DCC: variants seen among roughly 807,000 people sequenced by gnomAD.
DCC encodes the protein DCC netrin 1 receptor, also known as netrin receptor DCC.
In DCC, 58 loss-of-function variants were observed where a neutral mutation model predicts 172.5. The ratio of observed to expected loss-of-function variants is 0.34; its 90% CI spans 0.27 to 0.42. The LOEUF (loss-of-function observed/expected upper bound fraction) is 0.42. DCC is among the 10% of genes least tolerant of loss of function. The probability of loss-of-function intolerance (pLI) is 1.00; values close to 1 mark genes in which losing one functional copy is unlikely to be tolerated. For missense variants in DCC, 1,740 were observed against 1,791.0 expected, an observed-to-expected ratio of 0.97 and a Z score of 0.51; for synonymous variants, 709 against 644.5, an observed-to-expected ratio of 1.10 and a Z score of -1.52.
intron 5 of DCC, among the ~76,000 whole-genome samples, chr18:52,981,934 A>G (rs1317542837): frequency 6.6e-5 from 10 of 152,142 alleles, no homozygotes; most frequent in African/African-American, 1.7e-4. Flanking sequence ...TAGAATTAGG[A>G]TAGAAGAAAT....
chr18:53,304,942 G>A (rs997924378), intron 12 of DCC, among the ~76,000 whole-genome samples: 11 of 152,108 alleles, frequency 7.2e-5, no homozygotes, highest in African/African-American at 2.7e-4. Context: ...CCGTTGGGAG[G>A]TAATTGAATC....
At chr18:52,504,716 T>C (rs1446069994) in intron 1 of DCC, among the ~76,000 whole-genome samples, 1 of 152,128 alleles carries the variant, frequency 6.6e-6, no homozygotes, top group South Asian at 2.1e-4. Flanking sequence ...TACCACACTC[T>C]CTCCTCCTGC....
chr18:53,116,344 A>T lies in DCC; in HGVS notation c.1262-41012A>T, dbSNP rs145285506. On this transcript the variant is annotated intron_variant, in intron 7 of 28. Coordinates refer to ENST00000442544, the MANE Select transcript of DCC (RefSeq NM_005215.4). Reference sequence around the variant, plus strand: ...TAGAGGATTCCATTGTTTATTTGGGATACGCCTTATGTAAATGGAGAGGAA... The same window carrying T: ...TAGAGGATTCCATTGTTTATTTGGGTTACGCCTTATGTAAATGGAGAGGAA... 7.2e-5 allele frequency among the ~76,000 whole-genome samples: 11 copies of T among 151,790 alleles called. No individual in the cohort carries two copies. The East Asian group carries it at 2.1e-3, about 30-fold the overall frequency.
At chr18:53,312,035 C>T (rs541500036) in intron 13 of DCC, among the ~76,000 whole-genome samples, 3 of 151,840 alleles carry the variant, frequency 2.0e-5, no homozygotes, top group South Asian at 4.2e-4. Flanking sequence ...GTGGGTAGGG[C>T]GCGGTGGCTC....
At chr18:53,000,229 C>G (rs2041543172) in intron 5 of DCC, among the ~76,000 whole-genome samples, 1 of 152,004 alleles carries the variant, frequency 6.6e-6, no homozygotes, top group South Asian at 2.1e-4. Flanking sequence ...TTAATCAGTT[C>G]AGGTTCTTAT....
intron 2 of DCC, among the ~76,000 whole-genome samples, chr18:52,872,351 C>G (rs1275016020): frequency 6.6e-6 from 1 of 152,108 alleles, no homozygotes; most frequent in East Asian, 1.9e-4. Context: ...TCCTTTCAGA[C>G]TTTTAAAGGT....
At chr18:52,753,582 A>G (rs999122126) in intron 2 of DCC, among the ~76,000 whole-genome samples, 4 of 152,202 alleles carry the variant, frequency 2.6e-5, no homozygotes, top group Admixed American at 2.0e-4. Flanking sequence ...GGCATGGCCT[A>G]CAACATATAC....
intron 1 of DCC, among the ~76,000 whole-genome samples, chr18:52,421,538 C>A (rs1021580060): frequency 6.6e-6 from 1 of 152,190 alleles, no homozygotes; most frequent in African/African-American, 2.4e-5. Flanking sequence ...CCCAGCCCTG[C>A]CTCAGGCTCT....
intron 1 of DCC, among the ~76,000 whole-genome samples, chr18:52,359,495 TG>T (rs1984525152): frequency 6.6e-6 from 1 of 152,170 alleles, no homozygotes; most frequent in Non-Finnish European, 1.5e-5. Context: ...AGGACACTTC[TG>T]GGGATTTCAG....
At chr18:53,499,241 T>C (rs1326257075) in intron 26 of DCC, 57 bp from the exon 27 acceptor site, 2 of 1,576,296 alleles carry the variant, frequency 1.3e-6, no homozygotes, top group African/African-American at 1.3e-5. Context: ...TCCAGTGACT[T>C]AAGGAAAACA....
chr18:52,905,056 C>T (rs1007896793), intron 2 of DCC, among the ~76,000 whole-genome samples: 1 of 152,094 alleles, frequency 6.6e-6, no homozygotes, highest in Non-Finnish European at 1.5e-5. Flanking sequence ...ACACCTACCC[C>T]TCTCATGTAC....
chr18:52,673,962 T>C (rs1350945358), intron 1 of DCC, among the ~76,000 whole-genome samples: 5 of 152,138 alleles, frequency 3.3e-5, no homozygotes, highest in Admixed American at 6.5e-5. Flanking sequence ...GCTGAGCATA[T>C]CTCACCTATG....
intron 1 of DCC, among the ~76,000 whole-genome samples, chr18:52,508,807 G>A (rs373515485): frequency 6.6e-6 from 1 of 152,206 alleles, no homozygotes; most frequent in Non-Finnish European, 1.5e-5. Flanking sequence ...TAACAAGGCA[G>A]TGTTCTGATT....
chr18:53,482,347 G>C (rs2045842948), intron 25 of DCC, among the ~76,000 whole-genome samples: 1 of 152,070 alleles, frequency 6.6e-6, no homozygotes, highest in South Asian at 2.1e-4. Flanking sequence ...ATTTTTGAAA[G>C]AAGGTTTATT....
intron 14 of DCC, among the ~76,000 whole-genome samples, chr18:53,322,497 T>C (rs1472267982): frequency 6.6e-6 from 1 of 152,180 alleles, no homozygotes; most frequent in African/African-American, 2.4e-5. Flanking sequence ...TAGTGTAATT[T>C]ATAATAGTAA....
At chr18:52,823,407 G>C (rs1452262461) in intron 2 of DCC, among the ~76,000 whole-genome samples, 1 of 152,166 alleles carries the variant, frequency 6.6e-6, no homozygotes, top group Non-Finnish European at 1.5e-5. Context: ...AGATATATTA[G>C]AAATACATTT....
At chr18:53,199,380 T>C (rs1307060559) in intron 9 of DCC, among the ~76,000 whole-genome samples, 1 of 152,114 alleles carries the variant, frequency 6.6e-6, no homozygotes, top group Non-Finnish European at 1.5e-5. Flanking sequence ...CATAAGCCAC[T>C]GCATCCAGCC....
At chr18:52,380,495 C>G (rs758690003) in intron 1 of DCC, among the ~76,000 whole-genome samples, 5 of 152,044 alleles carry the variant, frequency 3.3e-5, no homozygotes, top group Non-Finnish European at 7.4e-5. Flanking sequence ...ACAAATCTCT[C>G]CATTCCCCAC....
intron 1 of DCC, among the ~76,000 whole-genome samples, chr18:52,607,477 G>A (rs915134890): frequency 5.9e-5 from 9 of 152,062 alleles, no homozygotes; most frequent in African/African-American, 1.7e-4. Flanking sequence ...ACCATAGAGC[G>A]TACTTTTTGG....
Sources: allele counts gnomAD v4.1 joint callset (sites outside exome capture counted in the v4.1 genomes callset), GRCh38; gene constraint gnomAD v4.1.1; transcripts MANE v1.5; gene names NCBI Gene and HGNC (gene_info 2026-07-23, HGNC 2026-07-21).